Variants in ZNF320 observed in about 807,000 individuals in gnomAD.
The protein encoded by ZNF320 is zinc finger protein 320, also known as zinc finger gene 320.
ZNF320 carries 2 observed loss-of-function variants against 6.8 expected under a neutral mutation model. That is an observed-to-expected ratio of 0.29 (90% CI 0.12 to 0.93). The LOEUF is 0.93. Among genes scored for constraint, ZNF320 ranks in the 40% least tolerant of loss-of-function variants. The pLI, the probability that ZNF320 is intolerant of heterozygous loss-of-function variation, is 0.55. For synonymous variants in ZNF320, 208 were observed against 203.2 expected (o/e 1.02, Z -0.20); for missense variants, 472 against 611.0 (o/e 0.77, Z 2.40).
At chr19:52,890,020 CT>C (rs1365158938) in intron 4 of ZNF320, among the ~76,000 whole-genome samples, 1 of 152,124 alleles carries the variant, frequency 6.6e-6, no homozygotes, top group African/African-American at 2.4e-5. Flanking sequence ...GGTGTGAGTC[CT>C]TCCCAGGACC....
chr19:52,889,507 G>T (rs915084692), intron 4 of ZNF320, among the ~76,000 whole-genome samples: 4 of 152,088 alleles, frequency 2.6e-5, no homozygotes, highest in Non-Finnish European at 5.9e-5. Context: ...TTATCCTCTA[G>T]GATAAAAAAG....
intron 5 of ZNF320, among the ~76,000 whole-genome samples, chr19:52,864,406 G>A (rs1252801675): frequency 6.6e-6 from 1 of 152,076 alleles, no homozygotes; most frequent in African/African-American, 2.4e-5. Context: ...CTATAAATAC[G>A]TTAGATATTA....
At position 52,876,564 on chromosome 19, in the gene ZNF320, C is replaced by A. The variant is rs2063772601; in HGVS notation, c.*4032G>T. ...CCCAGCCAGAGTGCAGTTGCAGGAT[C>A]TCAGCTCACTGCAACCTCCGCCTCC... On this transcript the variant is annotated 3_prime_UTR_variant, in exon 6 of 6. Coordinates refer to ENST00000682928, the MANE Select transcript of ZNF320 (RefSeq NM_001351774.2). The A allele has an allele frequency of 6.6e-6, 1 of 152,158 alleles. No individual in the cohort carries two copies. The allele number at this position is 152,158 out of a possible 1,614,324, so 9.4% of individuals were successfully genotyped here. A position where few individuals can be genotyped will look rare whatever the true frequency, so the allele number is the denominator to read the frequency against.
At position 52,881,693 on chromosome 19, in the gene ZNF320, G is replaced by T. The variant is rs187616678; in HGVS notation, c.433C>A (p.His145Asn). The T allele has an allele frequency of 5.0e-6, 8 of 1,613,972 alleles. No individual in the cohort carries two copies. In the Admixed American group the frequency reaches 1.0e-4, roughly 20 times the overall value. ...CTCCTATGTCTTCGCAAATGCAAAT[G>T]AAATCTTGATTCAAGCTGACCTTTA... ...PIKGQLESRFHLHLRRHRRIH... is the reference protein window; with the variant it reads ...PIKGQLESRFNLHLRRHRRIH... Residue 145 changes from histidine (H) to asparagine (N), a missense_variant, in exon 6 of 6, where the codon CAT becomes AAT. By Grantham distance (68) the His-to-Asn change is moderately conservative. Around this residue, in one of 2 missense-constraint regions of ZNF320, gnomAD observed 462 missense variants for 559.7 expected, o/e 0.83. Transcript: ENST00000682928.
intron 5 of ZNF320, among the ~76,000 whole-genome samples, chr19:52,867,416 T>C (rs963963702): frequency 6.6e-6 from 1 of 152,030 alleles, no homozygotes; most frequent in African/African-American, 2.4e-5. Flanking sequence ...CAGGCTGGTC[T>C]TGAACTCCTG....
intron 5 of ZNF320, among the ~76,000 whole-genome samples, chr19:52,869,706 T>A (rs1310295324): frequency 6.6e-6 from 1 of 151,588 alleles, no homozygotes; most frequent in Non-Finnish European, 1.5e-5. Flanking sequence ...CTGGCTAAAT[T>A]TTCTATTTAT....
chr19:52,882,759 G>C lies in ZNF320; in HGVS notation c.143-776C>G, dbSNP rs143696960. Among the ~76,000 whole-genome samples the C allele has an allele frequency of 5.9e-3, 891 of 152,242 alleles. 8 individuals carry two copies. The highest frequency in any genetic ancestry group is 0.021 in the African/African-American group (854 of 41,556). ...GGAGTTTGACCAACCTGGCCAACAT[G>C]GCGAAGCCCTGTCTCTGCTAAAAAT... is the stretch of plus-strand genomic sequence containing the variant. On this transcript the variant is annotated intron_variant, in intron 5 of 5. Transcript: ENST00000682928.
chr19:52,899,132 G>A (rs2064552985), upstream of ZNF320, among the ~76,000 whole-genome samples: 1 of 152,160 alleles, frequency 6.6e-6, no homozygotes. Context: ...GGTGAACTAA[G>A]GTAGCGATGA....
exon 6 of ZNF320, chr19:52,862,026 A>G (rs1318594490): frequency 4.7e-5 from 18 of 383,726 alleles, no homozygotes; most frequent in Non-Finnish European, 4.8e-5. Flanking sequence ...TCTCTCCAGT[A>G]TGAGTTCGCT....
At chr19:52,898,661 G>C (rs928547116), upstream of ZNF320, among the ~76,000 whole-genome samples, 1 of 152,176 alleles carries the variant, frequency 6.6e-6, no homozygotes, top group Admixed American at 6.5e-5. Flanking sequence ...TCCTTTTTAA[G>C]GGTTCACAAC....
At position 52,881,892 on chromosome 19, in the gene ZNF320, T is replaced by C; in HGVS notation, c.234A>G (p.Ala78=). The C allele has an allele frequency of 6.2e-7, 1 of 1,613,688 alleles. No individual in the cohort carries two copies. The highest frequency in any genetic ancestry group is 8.5e-7 in the Non-Finnish European group (1 of 1,179,690). ...AGCAAAATGCTCCAATGTGATAACT[T>C]GCTTGTCTCTGCAATGTCCCTGTGT... ...VIHTGTLQRQ[A]SYHIGAFCSQ... is the part of the protein sequence containing the mutation. The change falls in exon 6 of 6, where the codon GCA becomes GCG. Residue 78 remains alanine (A), a synonymous_variant. Coordinates refer to ENST00000682928, the MANE Select transcript of ZNF320 (RefSeq NM_001351774.2).
At chr19:52,897,058 T>C (rs1374897622) in intron 1 of ZNF320, among the ~76,000 whole-genome samples, 1 of 152,226 alleles carries the variant, frequency 6.6e-6, no homozygotes, top group Non-Finnish European at 1.5e-5. Context: ...TCAAAATAAA[T>C]ACTTTAACCC....
Position 52,864,818 on chromosome 19 carries a change from C to A in ZNF320, c.224-659G>T, listed in dbSNP as rs540359117. On this transcript the variant is annotated intron_variant, in intron 5 of 5. Transcript: ENST00000673631. ...CATGATGTCAGGAGATCGAGACCAT[C>A]CTGGCTAACACAGTGAAATCCCGTC... Among the ~76,000 whole-genome samples, 135 of 150,516 alleles carry A rather than the reference C, an allele frequency of 9.0e-4. 4 individuals are homozygous for A. The highest frequency in any genetic ancestry group is 7.1e-4 in the Non-Finnish European group (48 of 67,722).
At chr19:52,903,186 G>C in the ZNF320 span, among the ~76,000 whole-genome samples, 3 of 152,170 alleles carry the variant, frequency 2.0e-5, no homozygotes, top group Non-Finnish European at 4.4e-5. Flanking sequence ...GGACTAGACT[G>C]TCTAAGGCTA....
In ZNF320 at chr19:52,882,001, C is replaced by T. The variant is rs1472694498; in HGVS notation, c.143-18G>A. 6 of 1,593,738 alleles carry T rather than the reference C, an allele frequency of 3.8e-6. No homozygotes were observed. The highest frequency in any genetic ancestry group is 1.3e-5 in the African/African-American group (1 of 74,080). The stretch of plus-strand genomic sequence containing the variant: ...AGAGATATCTACAAAATATAAACAC[C>T]AATAGGTTTCCAATTAAGTACAGAT... On this transcript the variant is annotated intron_variant, in intron 5 of 5. Coordinates refer to ENST00000682928, the MANE Select transcript of ZNF320 (RefSeq NM_001351774.2).
chr19:52,865,943 TTA>T (rs1249231105), intron 5 of ZNF320, among the ~76,000 whole-genome samples: 2 of 128,178 alleles, frequency 1.6e-5, no homozygotes, highest in Non-Finnish European at 3.1e-5. Context: ...ACACATATAT[TTA>T]TATATTATAC....
upstream of ZNF320, among the ~76,000 whole-genome samples, chr19:52,899,762 T>C (rs2064565612): frequency 6.6e-6 from 1 of 152,142 alleles, no homozygotes; most frequent in Non-Finnish European, 1.5e-5. Context: ...CGCCCGGTGA[T>C]AGATAGCATT....
chr19:52,902,884 A>G, the ZNF320 span, among the ~76,000 whole-genome samples: 1 of 152,200 alleles, frequency 6.6e-6, no homozygotes, highest in Non-Finnish European at 1.5e-5. Context: ...GTTTCACAGA[A>G]AAACTGGATG....
rs1475261755 is a variant in ZNF320 at position 52,878,884 on chromosome 19, C to A, written c.*1712G>T. On this transcript the variant is annotated 3_prime_UTR_variant, in exon 6 of 6. Coordinates refer to ENST00000682928, the MANE Select transcript of ZNF320 (RefSeq NM_001351774.2). ...ATTTTTTGTAGAGAAGGTGGTTTCA[C>A]CATTCTGCCCAGGCTGGTCTTGAGT... 1 of 152,212 alleles carries A rather than the reference C, an allele frequency of 6.6e-6. No homozygotes were observed. The highest frequency in any genetic ancestry group is 1.5e-5 in the Non-Finnish European group (1 of 68,056). 9.4% of individuals were successfully genotyped at this position (152,212 alleles called of 1,614,324 possible).
Sources: gnomAD v4.1 joint callset for allele counts (sites outside exome capture counted in the v4.1 genomes callset) on GRCh38, gnomAD v4.1.1 for gene constraint, gnomAD v4.1.1 regional missense constraint, MANE v1.5 for transcripts, NCBI Gene and HGNC (gene_info 2026-07-23, HGNC 2026-07-21) for gene names.